Variants in SMAP1 observed in about 807,000 individuals in gnomAD.
SMAP1 encodes the protein stromal membrane-associated protein 1.
A neutral mutation model predicts 58.5 loss-of-function variants in SMAP1; 24 were observed. That is an observed-to-expected ratio of 0.41 (90% CI 0.30 to 0.58). The LOEUF (loss-of-function observed/expected upper bound fraction) is 0.58. Among genes scored for constraint, SMAP1 ranks in the 20% least tolerant of loss-of-function variants. The pLI is 0.29. For synonymous variants in SMAP1, 216 were observed against 196.6 expected (o/e 1.10, Z -0.82); for missense variants, 563 against 566.3 (o/e 0.99, Z 0.06).
In SMAP1 at chr6:70,773,243, G is replaced by A. The variant is rs1767401870; in HGVS notation, c.339-107G>A. 1.9e-5 allele frequency: 12 copies of A among 646,356 alleles called. 1 individual carries two copies. Among genetic ancestry groups the A allele is most frequent in the Middle Eastern group, 5.3e-4 (2 of 3,760 alleles). 40.0% of individuals were successfully genotyped at this position (646,356 alleles called of 1,614,324 possible). A position where few individuals can be genotyped will look rare whatever the true frequency, so the allele number is the denominator to read the frequency against. On this transcript the variant is annotated intron_variant, in intron 3 of 10. Coordinates refer to ENST00000370455, the MANE Select transcript of SMAP1 (RefSeq NM_001044305.3). ...TAATGTGAAAGAGAGCACAGATTGA[G>A]GAGTAGGAAAATTAAATTTAGAGTC...
At chr6:70,817,161 GCTT>G (rs1769672705) in intron 6 of SMAP1, among the ~76,000 whole-genome samples, 1 of 148,952 alleles carries the variant, frequency 6.7e-6, no homozygotes, top group Non-Finnish European at 1.5e-5. Context: ...CATATTCTCT[GCTT>G]CTTAACTACT....
At chr6:70,790,372 C>T (rs1303644968) in intron 4 of SMAP1, among the ~76,000 whole-genome samples, 1 of 152,116 alleles carries the variant, frequency 6.6e-6, no homozygotes, top group Non-Finnish European at 1.5e-5. Flanking sequence ...CTCCTGAACT[C>T]AAGTGATCTG....
At position 70,827,158 on chromosome 6, in the gene SMAP1, T is replaced by C. The variant is rs575944211; in HGVS notation, c.577-9783T>C. Among the ~76,000 whole-genome samples the C allele has an allele frequency of 1.6e-4, 24 of 152,238 alleles. 1 individual carries two copies. Among genetic ancestry groups the C allele is most frequent in the Middle Eastern group, 3.4e-3 (1 of 294 alleles). ...AGTTTAGAGGAAGTTCTCTGCTTTC[T>C]TCAGGGGTCAATACTGAACTTCATT... is the stretch of plus-strand genomic sequence containing the variant. On this transcript the variant is annotated intron_variant, in intron 6 of 10. Transcript: ENST00000370455.
At chr6:70,778,528 T>G (rs1444687693) in intron 4 of SMAP1, among the ~76,000 whole-genome samples, 2 of 152,268 alleles carry the variant, frequency 1.3e-5, no homozygotes, top group Non-Finnish European at 2.9e-5. Context: ...TTGTATATGT[T>G]AAACCATTTA....
At chr6:70,758,862 A>T (rs1766628880) in intron 3 of SMAP1, among the ~76,000 whole-genome samples, 1 of 152,126 alleles carries the variant, frequency 6.6e-6, no homozygotes. Flanking sequence ...GGAATTCATT[A>T]CCAGCAGGAG....
At chr6:70,799,792 G>A (rs539158510) in intron 6 of SMAP1, among the ~76,000 whole-genome samples, 1 of 152,248 alleles carries the variant, frequency 6.6e-6, no homozygotes, top group East Asian at 1.9e-4. Context: ...ACTTAGTAGT[G>A]GAATTTCTGC....
intron 6 of SMAP1, among the ~76,000 whole-genome samples, chr6:70,821,218 C>G (rs1029148578): frequency 6.6e-6 from 1 of 152,214 alleles, no homozygotes; most frequent in Non-Finnish European, 1.5e-5. Flanking sequence ...TCATACCATG[C>G]AACTCTTCCT....
intron 7 of SMAP1, among the ~76,000 whole-genome samples, chr6:70,841,321 C>G (rs556548644): frequency 7.6e-4 from 116 of 152,270 alleles, no homozygotes; most frequent in African/African-American, 2.7e-3. Flanking sequence ...GCAGAGCAGC[C>G]TGGTTCCTTG....
chr6:70,726,502 C>T (rs528257649), intron 1 of SMAP1, among the ~76,000 whole-genome samples: 2 of 152,276 alleles, frequency 1.3e-5, no homozygotes, highest in African/African-American at 4.8e-5. Context: ...TAGAATAAGT[C>T]TTAAAATTAC....
intron 5 of SMAP1, among the ~76,000 whole-genome samples, chr6:70,797,917 A>G (rs1768675455): frequency 1.3e-5 from 2 of 152,012 alleles, no homozygotes; most frequent in South Asian, 4.1e-4. Context: ...TCTTTGTTTA[A>G]TCTCTTTTCA....
At chr6:70,859,317 TCTTA>T (rs1475639544) in intron 10 of SMAP1, 9 of 1,542,790 alleles carry the variant, frequency 5.8e-6, no homozygotes, top group Non-Finnish European at 7.0e-6. Flanking sequence ...TAATACTGGC[TCTTA>T]CTTCCAGATA....
intron 2 of SMAP1, among the ~76,000 whole-genome samples, chr6:70,754,455 A>C (rs1766403351): frequency 6.6e-6 from 1 of 152,080 alleles, no homozygotes; most frequent in South Asian, 2.1e-4. Context: ...GAAACTCCTC[A>C]AAGGGATTAT....
At chr6:70,846,079 G>A (rs1179569584) in intron 7 of SMAP1, among the ~76,000 whole-genome samples, 1 of 152,188 alleles carries the variant, frequency 6.6e-6, no homozygotes, top group Non-Finnish European at 1.5e-5. Flanking sequence ...TAAGAGAGGC[G>A]ATTTTACAGG....
At chr6:70,702,128 T>C (rs1767653847) in intron 1 of SMAP1, among the ~76,000 whole-genome samples, 1 of 152,192 alleles carries the variant, frequency 6.6e-6, no homozygotes, top group Non-Finnish European at 1.5e-5. Flanking sequence ...CCCAGCTTCT[T>C]TTAAGATTTT....
At chr6:70,843,345 C>G (rs1031163930) in intron 7 of SMAP1, among the ~76,000 whole-genome samples, 2 of 152,130 alleles carry the variant, frequency 1.3e-5, no homozygotes, top group East Asian at 1.9e-4. Flanking sequence ...ATTAAATTAT[C>G]TTATTATTTT....
chr6:70,726,732 T>G (rs1768801190), intron 1 of SMAP1, among the ~76,000 whole-genome samples: 1 of 152,184 alleles, frequency 6.6e-6, no homozygotes, highest in Admixed American at 6.6e-5. Context: ...TTTTTAGACA[T>G]GTAATGTCTT....
chr6:70,823,813 T>C (rs567379586), intron 6 of SMAP1, among the ~76,000 whole-genome samples: 19 of 152,178 alleles, frequency 1.2e-4, no homozygotes, highest in Admixed American at 4.6e-4. Flanking sequence ...AATTCATGCA[T>C]GTGGAACCCA....
chr6:70,710,792 G>T (rs374116237), intron 1 of SMAP1, among the ~76,000 whole-genome samples: 1 of 152,122 alleles, frequency 6.6e-6, no homozygotes, highest in South Asian at 2.1e-4. Flanking sequence ...TAAGACACAC[G>T]TTGTACAGCT....
chr6:70,859,077 GT>G, intron 10 of SMAP1: 1 of 286,112 alleles, frequency 3.5e-6, no homozygotes, highest in South Asian at 9.8e-5. Flanking sequence ...TTGGTCACTT[GT>G]TTTACCTTTA....
Sources: allele counts gnomAD v4.1 joint callset (sites outside exome capture counted in the v4.1 genomes callset), GRCh38; gene constraint gnomAD v4.1.1; transcripts MANE v1.5; gene names NCBI Gene and HGNC (gene_info 2026-07-23, HGNC 2026-07-21).